DARS1: variants seen among roughly 807,000 people sequenced by gnomAD.
DARS1 encodes the protein aspartate--tRNA ligase, cytoplasmic.
Under a neutral mutation model 68.8 loss-of-function variants are expected in DARS1, and 51 were observed. That is an observed-to-expected ratio of 0.74 (90% CI 0.59 to 0.94). The LOEUF (loss-of-function observed/expected upper bound fraction) is 0.94. Ranked by LOEUF, DARS1 falls within the 40% of genes least tolerant of loss-of-function variation. The pLI is 0.00. For missense variants in DARS1, 607 were observed against 597.3 expected, an observed-to-expected ratio of 1.02 and a Z score of -0.17; for synonymous variants, 203 against 190.4, an observed-to-expected ratio of 1.07 and a Z score of -0.55.
At position 135,985,516 on chromosome 2, in the gene DARS1, C is replaced by G. The variant is rs751561983; in HGVS notation, c.-48G>C. 4.0e-5 allele frequency: 64 copies of G among 1,613,746 alleles called. No homozygotes were observed. The highest frequency in any genetic ancestry group is 5.4e-5 in the Non-Finnish European group (64 of 1,179,854). ...GACACCACCCTCCCTCGCAGGCTTC[C>G]GTAAGGCAGGCCAAAGGGGCTTCTC... On this transcript the variant is annotated 5_prime_UTR_variant, in exon 1 of 16. Coordinates refer to ENST00000264161, the MANE Select transcript of DARS1 (RefSeq NM_001349.4).
chr2:135,932,965 G>C (rs1681387599), intron 6 of DARS1, 123 bp from the exon 7 acceptor site: 1 of 567,088 alleles, frequency 1.8e-6, no homozygotes, highest in Non-Finnish European at 3.0e-6. Context: ...TTAATATTAT[G>C]CCCGAAAATC....
chr2:135,912,474 C>A lies in DARS1; in HGVS notation c.1230+12G>T. The A allele has an allele frequency of 1.1e-6, 1 of 932,576 alleles. No individual in the cohort carries two copies. Among genetic ancestry groups the A allele is most frequent in the Non-Finnish European group, 1.7e-6 (1 of 583,322 alleles). 57.8% of individuals were successfully genotyped at this position (932,576 alleles called of 1,614,324 possible). On this transcript the variant is annotated intron_variant, in intron 13 of 15. Coordinates refer to ENST00000264161, the MANE Select transcript of DARS1 (RefSeq NM_001349.4). ...TGCCTCAAAATGGGTTACTTAAAAC[C>A]AAATTACTTACGGGATTTCTTGGGT...
chr2:135,978,119 G>A (rs1314709539), intron 3 of DARS1, among the ~76,000 whole-genome samples: 1 of 137,808 alleles, frequency 7.3e-6, no homozygotes, highest in Non-Finnish European at 1.5e-5. Flanking sequence ...CTCCAGCCTG[G>A]GTGACAGAGC....
chr2:135,927,560 T>C (rs183950228), intron 7 of DARS1, among the ~76,000 whole-genome samples: 217 of 152,240 alleles, frequency 1.4e-3, no homozygotes, highest in African/African-American at 4.9e-3. Flanking sequence ...TTTTAATGAT[T>C]CCATAATATG....
chr2:135,972,327 G>A (rs878959185), intron 3 of DARS1, among the ~76,000 whole-genome samples: 1 of 152,198 alleles, frequency 6.6e-6, no homozygotes, highest in Non-Finnish European at 1.5e-5. Context: ...AACATACATG[G>A]GGGAAAATAG....
At chr2:135,941,623 CA>C (rs1459380232) in intron 5 of DARS1, among the ~76,000 whole-genome samples, 1 of 150,504 alleles carries the variant, frequency 6.6e-6, no homozygotes, top group Non-Finnish European at 1.5e-5. Flanking sequence ...TCTAAAACAC[CA>C]AAAGCAATGG....
chr2:135,942,031 T>C (rs1342818033), intron 5 of DARS1, among the ~76,000 whole-genome samples: 3 of 152,030 alleles, frequency 2.0e-5, no homozygotes, highest in Non-Finnish European at 2.9e-5. Context: ...TGTGGAGAAA[T>C]AGGAACACTT....
intron 5 of DARS1, among the ~76,000 whole-genome samples, 177 bp from the exon 6 acceptor site, chr2:135,934,167 A>G (rs41269821): frequency 0.15 from 23,132 of 152,236 alleles, 2,358 homozygotes; most frequent in Middle Eastern, 0.39. Flanking sequence ...TGATTTGTTT[A>G]AAATGGGGAT....
chr2:135,907,259 T>TG lies in DARS1; in HGVS notation c.*56_*57insC. 1.0e-6 allele frequency: 1 copy of TG among 985,196 alleles called. No individual in the cohort carries two copies. The highest frequency in any genetic ancestry group is 1.8e-5 in the African/African-American group (1 of 56,912). 61.0% of individuals were successfully genotyped at this position (985,196 alleles called of 1,614,324 possible). The stretch of plus-strand genomic sequence containing the variant: ...GTGGCTTTCTTTTTTTTTTTTTTTT[T>TG]TTGAGGCAGGGTCTCGCTCTGTCAT... On this transcript the variant is annotated 3_prime_UTR_variant, in exon 16 of 16. Coordinates refer to ENST00000264161, the MANE Select transcript of DARS1 (RefSeq NM_001349.4).
chr2:135,965,889 T>G (rs1682222282), intron 3 of DARS1, among the ~76,000 whole-genome samples: 1 of 152,196 alleles, frequency 6.6e-6, no homozygotes, highest in Non-Finnish European at 1.5e-5. Flanking sequence ...CAGTACTGGC[T>G]CCCTGGTAAA....
chr2:135,977,512 T>C (rs1682527128), intron 3 of DARS1, among the ~76,000 whole-genome samples: 1 of 152,214 alleles, frequency 6.6e-6, no homozygotes, highest in Admixed American at 6.5e-5. Flanking sequence ...AATTACTATG[T>C]TTAGGAAAAA....
intron 7 of DARS1, among the ~76,000 whole-genome samples, chr2:135,927,879 G>A (rs1346123646): frequency 6.6e-6 from 1 of 152,114 alleles, no homozygotes; most frequent in African/African-American, 2.4e-5. Flanking sequence ...CTGCTATTCT[G>A]TATTATGTGA....
At chr2:135,981,157 G>C (rs1682622142) in intron 2 of DARS1, among the ~76,000 whole-genome samples, 1 of 152,216 alleles carries the variant, frequency 6.6e-6, no homozygotes, top group African/African-American at 2.4e-5. Context: ...TTCTCTCTAA[G>C]TGGAAGAACG....
intron 4 of DARS1, among the ~76,000 whole-genome samples, chr2:135,948,748 G>A (rs1460706227): frequency 6.6e-6 from 1 of 152,108 alleles, no homozygotes; most frequent in African/African-American, 2.4e-5. Flanking sequence ...GCGTGTGCCT[G>A]TAGTCCTAGA....
chr2:135,922,755 T>G, intron 9 of DARS1, 29 bp downstream of exon 9: 2 of 1,510,098 alleles, frequency 1.3e-6, no homozygotes, highest in Admixed American at 2.5e-5. Flanking sequence ...TTAATTAACT[T>G]GGATAAAACA....
At chr2:135,917,030 T>C (rs902938313) in intron 10 of DARS1, among the ~76,000 whole-genome samples, 1 of 151,976 alleles carries the variant, frequency 6.6e-6, no homozygotes, top group African/African-American at 2.4e-5. Context: ...CTACTAAAAC[T>C]ACAAAAATTA....
chr2:135,928,999 G>GA (rs1681286088), intron 7 of DARS1, among the ~76,000 whole-genome samples: 1 of 152,146 alleles, frequency 6.6e-6, no homozygotes, highest in Admixed American at 6.5e-5. Flanking sequence ...CTGCAACAGG[G>GA]GGATTCCAGC....
chr2:135,963,773 G>A (rs2104835958), intron 3 of DARS1, among the ~76,000 whole-genome samples: 1 of 151,806 alleles, frequency 6.6e-6, no homozygotes, highest in African/African-American at 2.4e-5. Context: ...TCCACCTTCT[G>A]GGTTCAAGCA....
At chr2:135,985,376 C>T in intron 1 of DARS1, 27 bp downstream of exon 1, 1 of 1,611,678 alleles carries the variant, frequency 6.2e-7, no homozygotes, top group Non-Finnish European at 8.5e-7. Context: ...GTCTGTCCTC[C>T]CAGGCCCAGG....
Sources: allele counts gnomAD v4.1 joint callset (sites outside exome capture counted in the v4.1 genomes callset), GRCh38; gene constraint gnomAD v4.1.1; transcripts MANE v1.5; gene names NCBI Gene and HGNC (gene_info 2026-07-23, HGNC 2026-07-21).